The following BBX variants were observed in gnomAD, a reference collection of about 807,000 sequenced individuals.
BBX encodes HMG box transcription factor BBX.
A neutral mutation model predicts 100.2 loss-of-function variants in BBX; 30 were observed. The observed-to-expected ratio is 0.30, with a 90% CI of 0.22 to 0.41. The LOEUF is 0.41. Ranked by LOEUF, BBX falls within the 10% of genes least tolerant of loss-of-function variation. The pLI, the probability that BBX is intolerant of heterozygous loss-of-function variation, is 1.00. For missense variants in BBX, 1,023 were observed against 1,129.8 expected (o/e 0.91, Z 1.35); for synonymous variants, 376 against 388.1 (o/e 0.97, Z 0.37).
intron 2 of BBX, among the ~76,000 whole-genome samples, chr3:107,605,906 T>A (rs922170594): frequency 1.3e-5 from 2 of 152,216 alleles, no homozygotes; most frequent in Non-Finnish European, 2.9e-5. Flanking sequence ...GATTTTACCT[T>A]TCTTGTCCCC....
At position 107,738,621 on chromosome 3, in the gene BBX, C is replaced by T. The variant is rs144995141; in HGVS notation, c.669+5598C>T. 3.0e-3 allele frequency among the ~76,000 whole-genome samples: 464 copies of T among 152,260 alleles called. 2 individuals are homozygous for T. Among genetic ancestry groups the T allele is most frequent in the African/African-American group, 8.7e-3 (362 of 41,560 alleles). ...AGTGGCAGAACTGGGATTCCAACGC[C>T]GGAGGACTAGCTTCAGTCTTCTTGC... On this transcript the variant is annotated intron_variant, in intron 7 of 17. Coordinates refer to ENST00000325805, the MANE Select transcript of BBX (RefSeq NM_001142568.3).
At chr3:107,539,181 T>C (rs2048706227) in intron 2 of BBX, among the ~76,000 whole-genome samples, 1 of 152,172 alleles carries the variant, frequency 6.6e-6, no homozygotes, top group Admixed American at 6.6e-5. Context: ...ATGTATTGAA[T>C]TATCTTTATT....
intron 3 of BBX, among the ~76,000 whole-genome samples, chr3:107,661,084 G>T (rs2058422271): frequency 6.6e-6 from 1 of 152,112 alleles, no homozygotes; most frequent in Non-Finnish European, 1.5e-5. Context: ...TTTTTGTCAA[G>T]TGACTGTTCA....
chr3:107,750,262 T>C (rs1386480131), intron 9 of BBX, among the ~76,000 whole-genome samples: 1 of 152,164 alleles, frequency 6.6e-6, no homozygotes, highest in Non-Finnish European at 1.5e-5. Flanking sequence ...CTCTTGGGGT[T>C]TTTAGCTATA....
chr3:107,614,588 A>G (rs2055110145), intron 2 of BBX, among the ~76,000 whole-genome samples: 1 of 152,154 alleles, frequency 6.6e-6, no homozygotes, highest in African/African-American at 2.4e-5. Context: ...CAGGCCCCTG[A>G]TATTAAATGG....
intron 15 of BBX, 146 bp downstream of exon 15, chr3:107,791,445 C>T: frequency 4.5e-6 from 3 of 672,984 alleles, no homozygotes; most frequent in South Asian, 2.7e-5. Flanking sequence ...TTAATTTTCA[C>T]ATCAAAGCTG....
At chr3:107,599,544 T>C (rs1000669331) in intron 2 of BBX, 1 of 152,150 alleles carries the variant, frequency 6.6e-6, no homozygotes, top group Non-Finnish European at 1.5e-5. Context: ...GCCGGTGTTA[T>C]AACCAGCTCT....
intron 2 of BBX, among the ~76,000 whole-genome samples, chr3:107,557,646 A>C (rs1576297374): frequency 6.6e-6 from 1 of 152,160 alleles, no homozygotes; most frequent in East Asian, 1.9e-4. Flanking sequence ...CTATTTCTTG[A>C]ATTATTTCTT....
chr3:107,654,083 G>C (rs1020238638), intron 3 of BBX, among the ~76,000 whole-genome samples: 5 of 152,094 alleles, frequency 3.3e-5, no homozygotes, highest in Non-Finnish European at 7.4e-5. Context: ...TATTATAAAA[G>C]TTAATGAAGA....
At chr3:107,640,005 A>G (rs1000496473) in intron 2 of BBX, among the ~76,000 whole-genome samples, 2 of 152,196 alleles carry the variant, frequency 1.3e-5, no homozygotes, top group African/African-American at 2.4e-5. Flanking sequence ...TTTATCTCTA[A>G]TGAGATTACT....
chr3:107,584,672 CTTTTTTTTTTTTTT>C (rs58393281), intron 2 of BBX, among the ~76,000 whole-genome samples: 18 of 28,372 alleles, frequency 6.3e-4, no homozygotes, highest in East Asian at 1.6e-3. Flanking sequence ...CCGTTGAAAT[CTTTTTTTTTTTTTT>C]TTTTTTTTTT....
intron 3 of BBX, among the ~76,000 whole-genome samples, chr3:107,694,870 A>C (rs2060465590): frequency 6.6e-6 from 1 of 151,498 alleles, no homozygotes; most frequent in Admixed American, 6.6e-5. Flanking sequence ...CCACAATTTC[A>C]GCTCCTGTTA....
At chr3:107,649,927 C>G (rs963481069) in intron 3 of BBX, among the ~76,000 whole-genome samples, 1 of 152,108 alleles carries the variant, frequency 6.6e-6, no homozygotes. Flanking sequence ...GGCTTTTACT[C>G]TGTATATTAA....
At chr3:107,624,158 C>T (rs554762697) in intron 2 of BBX, among the ~76,000 whole-genome samples, 14 of 152,088 alleles carry the variant, frequency 9.2e-5, no homozygotes, top group Non-Finnish European at 1.3e-4. Flanking sequence ...TACCTCTGCA[C>T]CTCTGTAAAA....
At chr3:107,684,929 CT>C (rs549666971) in intron 3 of BBX, among the ~76,000 whole-genome samples, 1 of 152,040 alleles carries the variant, frequency 6.6e-6, no homozygotes, top group African/African-American at 2.4e-5. Context: ...AGTGCCAGTC[CT>C]TTTTTAAGAG....
At chr3:107,707,740 A>G (rs142823001) in intron 3 of BBX, among the ~76,000 whole-genome samples, 408 of 152,340 alleles carry the variant, frequency 2.7e-3, no homozygotes, top group Admixed American at 5.2e-3. Flanking sequence ...GAACCCAGAA[A>G]GAAGCCACAT....
chr3:107,643,650 T>G (rs912350533), intron 2 of BBX, among the ~76,000 whole-genome samples: 1 of 152,008 alleles, frequency 6.6e-6, no homozygotes, highest in Non-Finnish European at 1.5e-5. Context: ...TATAGGGTTG[T>G]GCTCATACTT....
At chr3:107,630,409 C>T (rs1013148974) in intron 2 of BBX, among the ~76,000 whole-genome samples, 7 of 151,900 alleles carry the variant, frequency 4.6e-5, no homozygotes, top group African/African-American at 1.5e-4. Flanking sequence ...CTCCTTTGCA[C>T]GATGCGAGGG....
intron 2 of BBX, among the ~76,000 whole-genome samples, chr3:107,582,446 C>G (rs1445664654): frequency 2.0e-5 from 3 of 152,028 alleles, no homozygotes; most frequent in African/African-American, 7.2e-5. Context: ...CCTAGTCTGT[C>G]AGTTGTCATC....
Sources: allele counts gnomAD v4.1 joint callset (sites outside exome capture counted in the v4.1 genomes callset), GRCh38; gene constraint gnomAD v4.1.1; transcripts MANE v1.5; gene names NCBI Gene and HGNC (gene_info 2026-07-23, HGNC 2026-07-21).